Variants in DMC1 observed in about 807,000 individuals in gnomAD.
The protein encoded by DMC1 is meiotic recombination protein DMC1 homolog.
Under a neutral mutation model 50.1 loss-of-function variants are expected in DMC1, and 27 were observed. The ratio of observed to expected loss-of-function variants is 0.54; its 90% confidence interval spans 0.40 to 0.74. The LOEUF is 0.74. DMC1 is among the 30% of genes least tolerant of loss of function. DMC1 has a pLI of 0.00. For synonymous variants in DMC1, 148 were observed against 136.1 expected (o/e 1.09, Z -0.61); for missense variants, 295 against 420.2 (o/e 0.70, Z 2.60).
intron 13 of DMC1, 73 bp downstream of exon 13, chr22:38,521,535 C>G (rs1336905522): frequency 1.2e-5 from 11 of 940,518 alleles, no homozygotes; most frequent in Admixed American, 2.2e-5. Flanking sequence ...AAAACCCCGT[C>G]TCTACACACA....
rs752564277 is a variant in DMC1 at position 38,521,668 on chromosome 22, G to A, written c.893C>T (p.Thr298Ile). The change falls in exon 13 of 14, where the codon ACA (threonine) becomes ATA (isoleucine). Residue 298 changes from threonine to isoleucine, a missense_variant. Physicochemically the swap from Thr to Ile is moderately conservative, Grantham distance 89. Coordinates refer to ENST00000216024, the MANE Select transcript of DMC1 (RefSeq NM_007068.4). ...IGGHILAHAS[T>I]TRISLRKGRG... ...TCCCTTTCGCAAGCTTATTCTTGTT[G>A]TTGAAGCATGAGCCAGAATGTGTCC... 1 of 1,613,344 alleles carries A rather than the reference G, an allele frequency of 6.2e-7. No homozygotes were observed. Among genetic ancestry groups the A allele is most frequent in the East Asian group, 2.2e-5 (1 of 44,854 alleles).
rs56185728 is a variant in DMC1, at chr22:38,559,317, C to T, written c.326+2970G>A. Among the ~76,000 whole-genome samples the T allele has an allele frequency of 3.3e-3, 504 of 152,190 alleles. 2 individuals carry two copies. Among genetic ancestry groups the T allele is most frequent in the African/African-American group, 0.012 (490 of 41,508 alleles). On this transcript the variant is annotated intron_variant, in intron 5 of 13. Coordinates refer to ENST00000216024, the MANE Select transcript of DMC1 (RefSeq NM_007068.4). ...AAACGCTGGGATTAAAGGTGTGAGC[C>T]ACCGTGCCCAGCCATTTTTTTGGTA...
At chr22:38,567,520 A>G (rs2090592619) in intron 3 of DMC1, 63 bp downstream of exon 3, 3 of 1,348,940 alleles carry the variant, frequency 2.2e-6, no homozygotes, top group South Asian at 1.2e-5. Flanking sequence ...CCAAATGTCC[A>G]TAAGGTTGAT....
At chr22:38,528,732 G>A (rs1451053758) in intron 12 of DMC1, among the ~76,000 whole-genome samples, 2 of 152,250 alleles carry the variant, frequency 1.3e-5, no homozygotes, top group East Asian at 3.9e-4. Flanking sequence ...GCTGCAGTGA[G>A]CTAAGATCAT....
intron 8 of DMC1, among the ~76,000 whole-genome samples, chr22:38,544,905 T>C (rs1193836040): frequency 6.6e-6 from 1 of 151,968 alleles, no homozygotes; most frequent in Non-Finnish European, 1.5e-5. Flanking sequence ...GTGCTGGGAT[T>C]ACAGGCATGA....
At chr22:38,535,649 C>T (rs1375549130) in intron 12 of DMC1, among the ~76,000 whole-genome samples, 2 of 151,782 alleles carry the variant, frequency 1.3e-5, no homozygotes, top group African/African-American at 4.8e-5. Flanking sequence ...GTTCTGTCAC[C>T]CAGGCTGGAG....
chr22:38,554,743 T>C (rs1431698904), intron 6 of DMC1, among the ~76,000 whole-genome samples: 2 of 151,920 alleles, frequency 1.3e-5, no homozygotes, highest in African/African-American at 4.8e-5. Flanking sequence ...CATGGAACAT[T>C]AATTGCCTAG....
intron 12 of DMC1, among the ~76,000 whole-genome samples, chr22:38,533,770 A>C (rs1035262126): frequency 1.3e-5 from 2 of 152,182 alleles, no homozygotes; most frequent in African/African-American, 4.8e-5. Flanking sequence ...CACACCACAA[A>C]TTACTAATTA....
chr22:38,566,602 C>T lies in DMC1; in HGVS notation c.231G>A (p.Ala77=), dbSNP rs768471443. The change falls in exon 4 of 14, where the codon GCG becomes GCA. Residue 77 remains alanine, a synonymous_variant. Transcript: ENST00000216024. ...GGATTTTGCTTACAATTAGTTTGTTCGCTGCCTCTTTAATCTTGTCTACTT... is the reference window on the plus strand; with the variant it reads ...GGATTTTGCTTACAATTAGTTTGTTTGCTGCCTCTTTAATCTTGTCTACTT... ...EAKVDKIKEA[A]NKLIEPGFLT... 9.3e-6 allele frequency: 15 copies of T among 1,614,036 alleles called. No homozygotes were observed. Among genetic ancestry groups the T allele is most frequent in the Admixed American group, 3.3e-5 (2 of 60,004 alleles).
the DMC1 span, among the ~76,000 whole-genome samples, chr22:38,511,481 G>A: frequency 6.6e-6 from 1 of 151,576 alleles, no homozygotes; most frequent in African/African-American, 2.4e-5. Context: ...TTCCATATAC[G>A]TGGAAGGCTG....
intron 8 of DMC1, among the ~76,000 whole-genome samples, chr22:38,542,949 G>A (rs1381533687): frequency 6.6e-6 from 1 of 152,144 alleles, no homozygotes; most frequent in Admixed American, 6.5e-5. Flanking sequence ...AACATACATT[G>A]GAGAAAGGAC....
At chr22:38,551,688 T>G (rs958340605) in intron 7 of DMC1, among the ~76,000 whole-genome samples, 2 of 152,032 alleles carry the variant, frequency 1.3e-5, no homozygotes, top group African/African-American at 4.8e-5. Context: ...ACCAGGTACA[T>G]ACATTATTTC....
At chr22:38,533,654 ATAAT>A (rs1483332884) in intron 12 of DMC1, among the ~76,000 whole-genome samples, 3 of 152,184 alleles carry the variant, frequency 2.0e-5, no homozygotes, top group Non-Finnish European at 4.4e-5. Flanking sequence ...CATCAGAGTA[ATAAT>A]TAATTTACTC....
At chr22:38,511,097 G>T in the DMC1 span, among the ~76,000 whole-genome samples, 1 of 150,080 alleles carries the variant, frequency 6.7e-6, no homozygotes, top group African/African-American at 2.5e-5. Flanking sequence ...TTGTGCCACT[G>T]CACTCCAGCC....
chr22:38,522,129 T>G (rs1477665850), intron 12 of DMC1, among the ~76,000 whole-genome samples: 2 of 151,826 alleles, frequency 1.3e-5, no homozygotes, highest in East Asian at 3.9e-4. Context: ...TTTTTTGTAT[T>G]TTTAGTAGAG....
intron 3 of DMC1, 58 bp downstream of exon 3, chr22:38,567,525 G>T: frequency 7.3e-7 from 1 of 1,378,548 alleles, no homozygotes; most frequent in Non-Finnish European, 1.0e-6. Context: ...TGTCCATAAG[G>T]TTGATGCTGA....
intron 12 of DMC1, among the ~76,000 whole-genome samples, chr22:38,527,448 G>A (rs1319464870): frequency 6.6e-6 from 1 of 150,836 alleles, no homozygotes; most frequent in Non-Finnish European, 1.5e-5. Context: ...CAAGTGATCC[G>A]CCCACCTCGG....
chr22:38,555,516 C>A, intron 5 of DMC1, 107 bp from the exon 6 acceptor site: 1 of 747,432 alleles, frequency 1.3e-6, no homozygotes, highest in South Asian at 1.5e-5. Flanking sequence ...ATCTATCTAT[C>A]TATTCTATCA....
At chr22:38,544,861 T>C (rs1005672469) in intron 8 of DMC1, among the ~76,000 whole-genome samples, 1 of 151,644 alleles carries the variant, frequency 6.6e-6, no homozygotes, top group Non-Finnish European at 1.5e-5. Context: ...CTCAATCTCC[T>C]GACCTTGTGA....
Sources: gnomAD v4.1 joint callset for allele counts (sites outside exome capture counted in the v4.1 genomes callset) on GRCh38, gnomAD v4.1.1 for gene constraint, MANE v1.5 for transcripts, NCBI Gene and HGNC (gene_info 2026-07-23, HGNC 2026-07-21) for gene names.